The following CPED1 variants were observed in gnomAD, a reference collection of about 807,000 sequenced individuals.
CPED1 encodes cadherin like and PC-esterase domain containing 1, also known as cadherin-like and PC-esterase domain-containing protein 1.
A neutral mutation model predicts 128.2 loss-of-function variants in CPED1; 114 were observed. The observed-to-expected ratio is 0.89, with a 90% CI of 0.76 to 1.04. The LOEUF (loss-of-function observed/expected upper bound fraction) is 1.04, where lower values mean the gene tolerates loss of function less well. Ranked by LOEUF, CPED1 falls within the 50% of genes least tolerant of loss-of-function variation. The pLI is 0.00. For missense variants in CPED1, 1,211 were observed against 1,207.1 expected, an observed-to-expected ratio of 1.00 and a Z score of -0.05; for synonymous variants, 462 against 426.7, an observed-to-expected ratio of 1.08 and a Z score of -1.02.
At chr7:121,174,021 C>G (rs772328695) in intron 16 of CPED1, among the ~76,000 whole-genome samples, 2 of 151,864 alleles carry the variant, frequency 1.3e-5, no homozygotes, top group Non-Finnish European at 2.9e-5. Context: ...GTTGGCTTGT[C>G]TTCTTTTGAA....
At chr7:121,041,268 A>G (rs920179546) in intron 3 of CPED1, among the ~76,000 whole-genome samples, 1 of 152,080 alleles carries the variant, frequency 6.6e-6, no homozygotes, top group Non-Finnish European at 1.5e-5. Context: ...AATGCTTTAC[A>G]TTTCAGTCAC....
At chr7:121,058,284 G>A (rs1585044806) in intron 4 of CPED1, among the ~76,000 whole-genome samples, 1 of 152,122 alleles carries the variant, frequency 6.6e-6, no homozygotes, top group Non-Finnish European at 1.5e-5. Flanking sequence ...TTACAGGATT[G>A]CCTTGATTGT....
chr7:121,034,886 A>G (rs952315629), intron 3 of CPED1, among the ~76,000 whole-genome samples: 3 of 152,232 alleles, frequency 2.0e-5, no homozygotes, highest in African/African-American at 7.2e-5. Flanking sequence ...ATCAGGTAAA[A>G]TAGAAGCAGT....
rs767026033 is a variant in CPED1 at position 121,196,527 on chromosome 7, A to C, written c.2056-40187A>C. Among the ~76,000 whole-genome samples the C allele has an allele frequency of 3.9e-5, 6 of 152,286 alleles. No homozygotes were observed. In the East Asian group the frequency reaches 1.2e-3, roughly 29 times the overall value. ...ATTATAGTAGAGAAAATAAATTATTAAAGGGCAGATTTGTAGGCACTCTAG... is the reference window on the plus strand; with the variant it reads ...ATTATAGTAGAGAAAATAAATTATTCAAGGGCAGATTTGTAGGCACTCTAG... On this transcript the variant is annotated intron_variant, in intron 16 of 22. Coordinates refer to ENST00000310396, the MANE Select transcript of CPED1 (RefSeq NM_024913.5).
chr7:121,189,760 T>TTATATATATATATATA (rs377035175), intron 16 of CPED1, among the ~76,000 whole-genome samples: 603 of 47,286 alleles, frequency 0.013, 12 homozygotes, highest in Non-Finnish European at 0.016. Context: ...TTATGAGGTT[T>TTATATATATATATATA]TATATATATA....
rs1563068792 is a variant in CPED1, at chr7:121,217,821, C to A, written c.2056-18893C>A. On this transcript the variant is annotated intron_variant, in intron 16 of 22. Transcript: ENST00000310396. Reference sequence around the variant, plus strand: ...TCACTGTGACTGGAGAAAAGTAGAACTTGTTTGTAAATGTTTGTTTCCTTC... The same window carrying A: ...TCACTGTGACTGGAGAAAAGTAGAAATTGTTTGTAAATGTTTGTTTCCTTC... Among the ~76,000 whole-genome samples, 3 of 151,950 alleles carry A rather than the reference C, an allele frequency of 2.0e-5. No individual in the cohort carries two copies. In the South Asian group the frequency reaches 6.2e-4, roughly 32 times the overall value.
intron 5 of CPED1, among the ~76,000 whole-genome samples, chr7:121,079,006 G>A (rs1448314258): frequency 6.6e-6 from 1 of 152,144 alleles, no homozygotes; most frequent in Non-Finnish European, 1.5e-5. Context: ...TTTTCCTTAT[G>A]TGCAAGCCTA....
At chr7:121,055,491 A>G (rs973813414) in intron 4 of CPED1, among the ~76,000 whole-genome samples, 1 of 151,854 alleles carries the variant, frequency 6.6e-6, no homozygotes, top group Non-Finnish European at 1.5e-5. Flanking sequence ...AGCAATCACA[A>G]TAGTTAATCA....
chr7:121,167,954 C>T (rs1269882049), intron 16 of CPED1, among the ~76,000 whole-genome samples: 7 of 151,898 alleles, frequency 4.6e-5, no homozygotes, highest in East Asian at 1.9e-4. Context: ...AGGATGGTCT[C>T]GATCTCCTGA....
intron 16 of CPED1, among the ~76,000 whole-genome samples, chr7:121,180,994 G>C (rs757217765): frequency 1.3e-5 from 2 of 151,892 alleles, no homozygotes; most frequent in African/African-American, 2.4e-5. Flanking sequence ...ATGGACTTGA[G>C]GCTTTTTCAC....
At chr7:121,101,596 A>G (rs1036016818) in intron 7 of CPED1, among the ~76,000 whole-genome samples, 11 of 152,136 alleles carry the variant, frequency 7.2e-5, no homozygotes, top group Non-Finnish European at 1.5e-5. Context: ...GCATTGCTAT[A>G]AAGGAACACG....
intron 5 of CPED1, among the ~76,000 whole-genome samples, chr7:121,093,285 T>C (rs554177195): frequency 6.6e-6 from 1 of 151,992 alleles, no homozygotes; most frequent in South Asian, 2.1e-4. Flanking sequence ...ATTCAACAAT[T>C]TTTTTTTACC....
chr7:121,018,852 A>G (rs894122512), intron 3 of CPED1, among the ~76,000 whole-genome samples: 1 of 152,138 alleles, frequency 6.6e-6, no homozygotes, highest in Admixed American at 6.6e-5. Flanking sequence ...CACACGAAAA[A>G]CAAAATGCAA....
At chr7:121,287,815 T>G (rs1308857009) in intron 22 of CPED1, among the ~76,000 whole-genome samples, 3 of 152,190 alleles carry the variant, frequency 2.0e-5, no homozygotes, top group Non-Finnish European at 4.4e-5. Context: ...CTCATTAAAC[T>G]TTTGATATAT....
chr7:121,129,673 A>T (rs1473155314), intron 11 of CPED1, among the ~76,000 whole-genome samples: 1 of 151,974 alleles, frequency 6.6e-6, no homozygotes, highest in Non-Finnish European at 1.5e-5. Flanking sequence ...ATTTTGCAAG[A>T]GAAAGAGAAA....
chr7:121,144,369 T>C (rs1438824800), intron 16 of CPED1, among the ~76,000 whole-genome samples: 1 of 152,022 alleles, frequency 6.6e-6, no homozygotes, highest in Non-Finnish European at 1.5e-5. Context: ...AAAAATGATA[T>C]CCTGCCATTT....
At chr7:121,277,580 CT>C (rs2116766049) in intron 22 of CPED1, among the ~76,000 whole-genome samples, 1 of 152,216 alleles carries the variant, frequency 6.6e-6, no homozygotes, top group South Asian at 2.1e-4. Context: ...CCCACCTCTT[CT>C]TTCCCATCTT....
chr7:121,225,915 G>A (rs1417992475), intron 16 of CPED1, among the ~76,000 whole-genome samples: 3 of 151,972 alleles, frequency 2.0e-5, no homozygotes, highest in African/African-American at 7.3e-5. Context: ...CCTTGTGATG[G>A]GTTTGAACAT....
At chr7:121,224,653 T>C (rs1211402032) in intron 16 of CPED1, among the ~76,000 whole-genome samples, 4 of 152,182 alleles carry the variant, frequency 2.6e-5, no homozygotes, top group Non-Finnish European at 5.9e-5. Flanking sequence ...CTGTATTGGG[T>C]GCATATATAT....
Sources: gnomAD v4.1 joint callset for allele counts (sites outside exome capture counted in the v4.1 genomes callset) on GRCh38, gnomAD v4.1.1 for gene constraint, MANE v1.5 for transcripts, NCBI Gene and HGNC (gene_info 2026-07-23, HGNC 2026-07-21) for gene names.